The following ABL2 variants were observed in gnomAD, a reference collection of about 807,000 sequenced individuals.
ABL2 encodes the protein ABL proto-oncogene 2, non-receptor tyrosine kinase, also known as tyrosine-protein kinase ABL2.
Under a neutral mutation model 107.7 loss-of-function variants are expected in ABL2, and 49 were observed. That is an observed-to-expected ratio of 0.45 (90% CI 0.36 to 0.58). The LOEUF is 0.58. Among genes scored for constraint, ABL2 ranks in the 20% least tolerant of loss-of-function variants. The probability of loss-of-function intolerance (pLI) is 0.00; values close to 1 mark genes in which losing one functional copy is unlikely to be tolerated. For missense variants in ABL2, 1,245 were observed against 1,457.0 expected (o/e 0.85, Z 2.37); for synonymous variants, 549 against 548.6 (o/e 1.00, Z -0.01).
intron 8 of ABL2, among the ~76,000 whole-genome samples, chr1:179,115,981 A>C (rs543183720): frequency 6.6e-6 from 1 of 152,320 alleles, no homozygotes; most frequent in African/African-American, 2.4e-5. Flanking sequence ...GAGCAGTAGA[A>C]ACCAGATCAA....
chr1:179,220,549 T>C (rs1662815788), intron 1 of ABL2, among the ~76,000 whole-genome samples: 3 of 152,222 alleles, frequency 2.0e-5, no homozygotes, highest in African/African-American at 7.2e-5. Flanking sequence ...ACCATGTCTT[T>C]TTTTCTGTTT....
chr1:179,171,379 G>A (rs1306705008), intron 1 of ABL2, among the ~76,000 whole-genome samples: 1 of 152,096 alleles, frequency 6.6e-6, no homozygotes. Context: ...TAGAGATTTC[G>A]CTAGAACAAG....
intron 1 of ABL2, among the ~76,000 whole-genome samples, chr1:179,172,214 G>C (rs1225156111): frequency 6.6e-6 from 1 of 152,188 alleles, no homozygotes; most frequent in Non-Finnish European, 1.5e-5. Flanking sequence ...ATTAGGTCTT[G>C]TCCTAGGGAA....
At chr1:179,204,349 T>C (rs887300963) in intron 1 of ABL2, among the ~76,000 whole-genome samples, 1 of 152,132 alleles carries the variant, frequency 6.6e-6, no homozygotes, top group African/African-American at 2.4e-5. Flanking sequence ...TTACATGCTA[T>C]CTGCTCACTG....
intron 1 of ABL2, among the ~76,000 whole-genome samples, chr1:179,190,158 TAGAG>T (rs1660918900): frequency 6.6e-6 from 1 of 152,070 alleles, no homozygotes; most frequent in Non-Finnish European, 1.5e-5. Context: ...TCCACCTACC[TAGAG>T]ATAGTGTCAG....
At chr1:179,184,890 C>T (rs1216328216) in intron 1 of ABL2, among the ~76,000 whole-genome samples, 3 of 152,094 alleles carry the variant, frequency 2.0e-5, no homozygotes, top group Non-Finnish European at 4.4e-5. Context: ...GTCTCTACCC[C>T]TTTCTGTTCC....
In ABL2 at chr1:179,103,568, A is replaced by T; in HGVS notation, c.*4150T>A. On this transcript the variant is annotated 3_prime_UTR_variant, in exon 12 of 12. Coordinates refer to ENST00000502732, the MANE Select transcript of ABL2 (RefSeq NM_007314.4). ...CAAAGTGCACATTGCTGTGTTGCTG[A>T]GGTCTGTCCAAAAGAATGACCCCAT... 1 of 218,438 alleles carries T rather than the reference A, an allele frequency of 4.6e-6. No homozygotes were observed. The allele number at this position is 218,438 out of a possible 1,614,324, so 13.5% of individuals were successfully genotyped here. A position where few individuals can be genotyped will look rare whatever the true frequency, so the allele number is the denominator to read the frequency against.
At chr1:179,183,816 C>A (rs1660523848) in intron 1 of ABL2, 2 of 162,430 alleles carry the variant, frequency 1.2e-5, no homozygotes, top group South Asian at 1.6e-4. Flanking sequence ...GACTTGTGGT[C>A]TGGTTCTTGG....
At chr1:179,215,833 G>GT (rs528884023) in intron 1 of ABL2, among the ~76,000 whole-genome samples, 5 of 152,020 alleles carry the variant, frequency 3.3e-5, no homozygotes, top group East Asian at 1.9e-4. Flanking sequence ...AGTATTGTCA[G>GT]TTTTTTTTAA....
intron 8 of ABL2, among the ~76,000 whole-genome samples, chr1:179,116,504 CTTCT>C (rs1283728361): frequency 2.0e-5 from 3 of 151,748 alleles, no homozygotes; most frequent in South Asian, 2.1e-4. Flanking sequence ...TTAAAACTTT[CTTCT>C]TTCTTTTTTT....
intron 11 of ABL2, among the ~76,000 whole-genome samples, chr1:179,109,695 G>A (rs568722197): frequency 2.6e-5 from 4 of 152,264 alleles, no homozygotes; most frequent in African/African-American, 9.6e-5. Context: ...TTGGGGGGCT[G>A]AGGCAGGAGG....
chr1:179,111,842 G>A (rs967992636), intron 10 of ABL2, among the ~76,000 whole-genome samples: 1 of 152,034 alleles, frequency 6.6e-6, no homozygotes, highest in African/African-American at 2.4e-5. Flanking sequence ...TTAAGAGTTC[G>A]AGAGCAGTCT....
At position 179,215,160 on chromosome 1, in the gene ABL2, CA is replaced by C. The variant is rs772472092; in HGVS notation, c.157+14080del. Among the ~76,000 whole-genome samples, 797 of 129,456 alleles carry C rather than the reference CA, an allele frequency of 6.2e-3. 3 individuals carry two copies. The highest frequency in any genetic ancestry group is 0.014 in the African/African-American group (507 of 35,098). The allele number at this position is 129,456 out of a possible 152,430, so 84.9% of individuals were successfully genotyped here. On this transcript the variant is annotated intron_variant, in intron 1 of 11. Transcript: ENST00000502732. ...AGGCAACAGAATAAGACTCAGTCTCCAAAAAAAAAAAAATTGGGGAGAAAAT... is the reference window on the plus strand; with the variant it reads ...AGGCAACAGAATAAGACTCAGTCTCCAAAAAAAAAAAATTGGGGAGAAAAT...
At chr1:179,190,767 G>A (rs542702613) in intron 1 of ABL2, among the ~76,000 whole-genome samples, 3 of 152,272 alleles carry the variant, frequency 2.0e-5, no homozygotes, top group Admixed American at 1.3e-4. Flanking sequence ...AATCACCAGT[G>A]AGAGTCCTAG....
rs1653587316 is a variant in ABL2 at position 179,107,849 on chromosome 1, C to T, written c.3418G>A (p.Val1140Met). ...TRNKFAFREA[V>M]SKLELSLQEL... ...TGCAGGCTGAGTTCCAGTTTGCTCA[C>T]AGCCTCTCGGAAGGCAAATTTGTTG... is the stretch of plus-strand genomic sequence containing the variant. The change falls in exon 12 of 12, where the codon GTG becomes ATG. Residue 1140 changes from valine to methionine, a missense_variant. This residue lies in a region of ABL2 where 761 missense variants were observed against 766.4 expected (regional missense o/e 0.99). Transcript: ENST00000502732. 6.2e-7 allele frequency: 1 copy of T among 1,614,214 alleles called. No homozygotes were observed. Among genetic ancestry groups the T allele is most frequent in the East Asian group, 2.2e-5 (1 of 44,880 alleles).
At chr1:179,174,635 C>CT (rs1220233938) in intron 1 of ABL2, among the ~76,000 whole-genome samples, 4 of 151,684 alleles carry the variant, frequency 2.6e-5, no homozygotes, top group Non-Finnish European at 5.9e-5. Flanking sequence ...CCTTCTACAA[C>CT]TTTTTTATAC....
intron 1 of ABL2, among the ~76,000 whole-genome samples, chr1:179,165,633 A>T (rs1659331480): frequency 6.6e-6 from 1 of 152,106 alleles, no homozygotes; most frequent in African/African-American, 2.4e-5. Context: ...GTAACAATTT[A>T]CAAGAGTGCT....
At chr1:179,188,172 C>G (rs1660781653) in intron 1 of ABL2, among the ~76,000 whole-genome samples, 1 of 152,134 alleles carries the variant, frequency 6.6e-6, no homozygotes. Context: ...ATCTCAAAAG[C>G]CAAAAGTTTG....
intron 8 of ABL2, among the ~76,000 whole-genome samples, 163 bp from the exon 9 acceptor site, chr1:179,115,193 T>C (rs1375673604): frequency 6.6e-6 from 1 of 152,230 alleles, no homozygotes; most frequent in African/African-American, 2.4e-5. Context: ...TGATTTGTCC[T>C]TCTAAAATAT....
Sources: gnomAD v4.1 joint callset for allele counts (sites outside exome capture counted in the v4.1 genomes callset) on GRCh38, gnomAD v4.1.1 for gene constraint, gnomAD v4.1.1 regional missense constraint, MANE v1.5 for transcripts, NCBI Gene and HGNC (gene_info 2026-07-23, HGNC 2026-07-21) for gene names.